Variants in CERS6 observed in about 807,000 individuals in gnomAD.
CERS6 encodes the protein LAG1 homolog, ceramide synthase 6.
A neutral mutation model predicts 56.8 loss-of-function variants in CERS6; 26 were observed. That is an observed-to-expected ratio of 0.46 (90% CI 0.34 to 0.63). The LOEUF (loss-of-function observed/expected upper bound fraction) is 0.63. Ranked by LOEUF, CERS6 falls within the 30% of genes least tolerant of loss-of-function variation. The pLI is 0.01. For missense variants in CERS6, 415 were observed against 467.5 expected, an observed-to-expected ratio of 0.89 and a Z score of 1.04; for synonymous variants, 164 against 173.3, an observed-to-expected ratio of 0.95 and a Z score of 0.42.
intron 8 of CERS6, among the ~76,000 whole-genome samples, chr2:168,749,500 C>T (rs920760235): frequency 2.7e-4 from 41 of 152,300 alleles, no homozygotes; most frequent in Middle Eastern, 3.4e-3. Flanking sequence ...CCTTATTCAA[C>T]GCACCTAAAA....
chr2:168,580,020 A>G (rs1683370922), intron 3 of CERS6, among the ~76,000 whole-genome samples: 1 of 152,174 alleles, frequency 6.6e-6, no homozygotes, highest in South Asian at 2.1e-4. Flanking sequence ...CTTCTGCGCT[A>G]ATCATTGTCT....
intron 4 of CERS6, among the ~76,000 whole-genome samples, chr2:168,668,637 A>G (rs1030178435): frequency 5.3e-5 from 8 of 151,910 alleles, no homozygotes; most frequent in Non-Finnish European, 1.2e-4. Flanking sequence ...TTTTTTTAGT[A>G]GAGATGGGGT....
In CERS6 at chr2:168,502,626, A is replaced by C. The variant is rs138556683; in HGVS notation, c.171-44970A>C. ...TTGTTTCTAATAGACTGTCCAGAGGAACTTAAAAATCCTCTGTCTCCAGAG... is the reference window on the plus strand; with the variant it reads ...TTGTTTCTAATAGACTGTCCAGAGGCACTTAAAAATCCTCTGTCTCCAGAG... On this transcript the variant is annotated intron_variant, in intron 1 of 9. Coordinates refer to ENST00000305747, the MANE Select transcript of CERS6 (RefSeq NM_203463.3). 3.6e-4 allele frequency among the ~76,000 whole-genome samples: 55 copies of C among 152,296 alleles called. No homozygotes were observed. In the East Asian group the frequency reaches 9.8e-3, roughly 27 times the overall value.
chr2:168,651,109 G>T (rs1685330552), intron 4 of CERS6, among the ~76,000 whole-genome samples: 2 of 152,118 alleles, frequency 1.3e-5, no homozygotes, highest in Non-Finnish European at 1.5e-5. Context: ...TTTCTTAAAT[G>T]GTGATAATTA....
intron 1 of CERS6, among the ~76,000 whole-genome samples, chr2:168,524,511 G>A (rs186268680): frequency 6.6e-6 from 1 of 152,236 alleles, no homozygotes; most frequent in East Asian, 1.9e-4. Context: ...AGATAGAGAC[G>A]GAATTGAGAC....
At chr2:168,714,715 A>G (rs1687183943) in intron 6 of CERS6, among the ~76,000 whole-genome samples, 1 of 152,146 alleles carries the variant, frequency 6.6e-6, no homozygotes. Context: ...CCTTTTTGCC[A>G]TATGATGACA....
chr2:168,754,919 G>T (rs1046832510), intron 8 of CERS6, among the ~76,000 whole-genome samples: 1 of 152,068 alleles, frequency 6.6e-6, no homozygotes, highest in African/African-American at 2.4e-5. Flanking sequence ...GGGACTACAG[G>T]CATGTGCTGT....
chr2:168,618,572 C>G (rs570564372), intron 3 of CERS6, among the ~76,000 whole-genome samples: 2 of 152,132 alleles, frequency 1.3e-5, no homozygotes, highest in Non-Finnish European at 2.9e-5. Context: ...CAGTAACTCT[C>G]GTATACACCA....
chr2:168,671,566 T>C (rs1440533055), intron 4 of CERS6, among the ~76,000 whole-genome samples: 1 of 152,192 alleles, frequency 6.6e-6, no homozygotes, highest in African/African-American at 2.4e-5. Context: ...GAATCGTGAG[T>C]CTCATTATAA....
intron 8 of CERS6, among the ~76,000 whole-genome samples, chr2:168,728,891 C>T (rs912581456): frequency 1.3e-5 from 2 of 151,414 alleles, no homozygotes; most frequent in Non-Finnish European, 2.9e-5. Flanking sequence ...CTCTGTAATC[C>T]CAGCTACTCG....
intron 1 of CERS6, among the ~76,000 whole-genome samples, chr2:168,517,325 C>G (rs1694899660): frequency 6.6e-6 from 1 of 151,608 alleles, no homozygotes; most frequent in South Asian, 2.1e-4. Flanking sequence ...AACCCCACCT[C>G]TACTAAAAAT....
intron 1 of CERS6, among the ~76,000 whole-genome samples, chr2:168,510,094 A>T (rs1390420902): frequency 1.0e-5 from 1 of 98,848 alleles, no homozygotes; most frequent in Admixed American, 1.0e-4. Flanking sequence ...AATAATTGGT[A>T]AAAAAAAAAA....
chr2:168,729,368 G>A (rs1683449855), intron 8 of CERS6, among the ~76,000 whole-genome samples: 1 of 152,156 alleles, frequency 6.6e-6, no homozygotes, highest in Non-Finnish European at 1.5e-5. Context: ...TATTTGCTTA[G>A]GCTGTTATAC....
intron 4 of CERS6, among the ~76,000 whole-genome samples, chr2:168,675,216 C>G (rs995140590): frequency 9.9e-5 from 15 of 152,036 alleles, no homozygotes. Flanking sequence ...TTGTGATCCG[C>G]CCGCCTCAGC....
chr2:168,762,913 C>T (rs1392221034), intron 8 of CERS6, among the ~76,000 whole-genome samples: 3 of 151,980 alleles, frequency 2.0e-5, no homozygotes, highest in Non-Finnish European at 2.9e-5. Flanking sequence ...TCACTCTTGT[C>T]GCCCAGGCTG....
Position 168,492,635 on chromosome 2 carries a change from G to A in CERS6, c.170+36017G>A, listed in dbSNP as rs141270392. On this transcript the variant is annotated intron_variant, in intron 1 of 9. Coordinates refer to ENST00000305747, the MANE Select transcript of CERS6 (RefSeq NM_203463.3). ...TCAGTTTAATTAGATCCCATTTGTCGATTTTGGCTTTTGTTGCCATTGCTT... is the reference window on the plus strand; with the variant it reads ...TCAGTTTAATTAGATCCCATTTGTCAATTTTGGCTTTTGTTGCCATTGCTT... 2.0e-3 allele frequency among the ~76,000 whole-genome samples: 311 copies of A among 152,110 alleles called. 11 individuals are homozygous for A. The East Asian group carries it at 0.053, about 26-fold the overall frequency.
At position 168,542,831 on chromosome 2, in the gene CERS6, G is replaced by A. The variant is rs374068329; in HGVS notation, c.171-4765G>A. On this transcript the variant is annotated intron_variant, in intron 1 of 9. Coordinates refer to ENST00000305747, the MANE Select transcript of CERS6 (RefSeq NM_203463.3). ...CCTGCCTCAGCTTCCAGAGTAGCTGGGATTACAGGCGTGCACCACCACACC... is the reference window on the plus strand; with the variant it reads ...CCTGCCTCAGCTTCCAGAGTAGCTGAGATTACAGGCGTGCACCACCACACC... 1.7e-3 allele frequency among the ~76,000 whole-genome samples: 254 copies of A among 152,208 alleles called. 4 individuals carry two copies. Among genetic ancestry groups the A allele is most frequent in the Non-Finnish European group, 3.0e-3 (202 of 68,012 alleles).
intron 3 of CERS6, among the ~76,000 whole-genome samples, chr2:168,605,319 C>T (rs1574095093): frequency 6.6e-6 from 1 of 152,196 alleles, no homozygotes; most frequent in South Asian, 2.1e-4. Flanking sequence ...AGCAGCAAAG[C>T]ATTCAAGATG....
intron 3 of CERS6, among the ~76,000 whole-genome samples, chr2:168,614,109 G>C (rs145203428): frequency 4.4e-4 from 67 of 152,336 alleles, no homozygotes; most frequent in African/African-American, 1.4e-3. Context: ...CCCCTTCACT[G>C]AGTGAGGAAG....
Sources: gnomAD v4.1 joint callset for allele counts (sites outside exome capture counted in the v4.1 genomes callset) on GRCh38, gnomAD v4.1.1 for gene constraint, MANE v1.5 for transcripts, NCBI Gene and HGNC (gene_info 2026-07-23, HGNC 2026-07-21) for gene names.